Variants in CFAP45 observed in about 807,000 individuals in gnomAD.
The protein encoded by CFAP45 is cilia- and flagella-associated protein 45.
A neutral mutation model predicts 75.6 loss-of-function variants in CFAP45; 43 were observed. The observed-to-expected ratio is 0.57, with a 90% confidence interval of 0.45 to 0.73. The LOEUF is 0.73. Ranked by LOEUF, CFAP45 falls within the 30% of genes least tolerant of loss-of-function variation. The pLI is 0.00. For synonymous variants in CFAP45, 223 were observed against 244.6 expected (o/e 0.91, Z 0.82); for missense variants, 689 against 701.5 (o/e 0.98, Z 0.20).
intron 7 of CFAP45, among the ~76,000 whole-genome samples, chr1:159,883,499 G>A (rs1367274409): frequency 6.6e-6 from 1 of 152,120 alleles, no homozygotes; most frequent in Non-Finnish European, 1.5e-5. Context: ...TTTTGATGGA[G>A]GAGGTGATAA....
intron 11 of CFAP45, 110 bp downstream of exon 11, chr1:159,872,834 A>G: frequency 9.3e-7 from 1 of 1,076,098 alleles, no homozygotes; most frequent in Non-Finnish European, 1.4e-6. Flanking sequence ...CCTCTCCCTG[A>G]GCATCTCTGC....
Position 159,884,484 on chromosome 1 carries a change from C to T in CFAP45, c.849G>A (p.Lys283=), listed in dbSNP as rs200874439. ...GTTCCATATATTCCAGCATCTGCTC[C>T]TTCTCCTGCTCCCGCTGCTCAGCAA... is the stretch of plus-strand genomic sequence containing the variant. ...SLLAEQREQE[K]EQMLEYMEQL... Residue 283 remains lysine, a synonymous_variant, in exon 7 of 12, where the codon AAG becomes AAA. Coordinates refer to ENST00000368099, the MANE Select transcript of CFAP45 (RefSeq NM_012337.3). 6.2e-7 allele frequency: 1 copy of T among 1,613,966 alleles called. No homozygotes were observed. Among genetic ancestry groups the T allele is most frequent in the East Asian group, 2.2e-5 (1 of 44,884 alleles).
chr1:159,887,637 G>A (rs72700671), intron 5 of CFAP45, among the ~76,000 whole-genome samples: 2,170 of 152,350 alleles, frequency 0.014, 26 homozygotes, highest in Middle Eastern at 0.02. Context: ...GAGGGCAAGT[G>A]ACTTGCCCAT....
chr1:159,893,135 C>T, intron 2 of CFAP45, 45 bp downstream of exon 2: 1 of 1,609,138 alleles, frequency 6.2e-7, no homozygotes, highest in Non-Finnish European at 8.5e-7. Context: ...TTTTGGGCCT[C>T]TGCCTGCAGG....
rs373151220 is a variant in CFAP45 at position 159,877,400 on chromosome 1, G to A, written c.1107C>T (p.Ile369=). The A allele has an allele frequency of 2.5e-5, 41 of 1,613,926 alleles. No individual in the cohort carries two copies. The highest frequency in any genetic ancestry group is 2.3e-4 in the African/African-American group (17 of 74,892). Residue 369 remains isoleucine, a synonymous_variant, in exon 9 of 12, where the codon ATC becomes ATT. Transcript: ENST00000368099. ...TCTCCTGCATGGCCCTCAAGCGTGC[G>A]ATCTCCTTCTCTTTCTCCCTCCGGA... ...ERIRREKEKE[I]ARLRAMQEKA...
intron 8 of CFAP45, among the ~76,000 whole-genome samples, chr1:159,879,982 T>C (rs903125759): frequency 2.6e-5 from 4 of 152,228 alleles, no homozygotes; most frequent in African/African-American, 9.7e-5. Context: ...ATCCCAATCA[T>C]TTTATTACTC....
At chr1:159,889,664 G>A (rs1281878719) in intron 3 of CFAP45, among the ~76,000 whole-genome samples, 1 of 152,224 alleles carries the variant, frequency 6.6e-6, no homozygotes, top group Non-Finnish European at 1.5e-5. Context: ...GGCTCCAGGA[G>A]TGGCTGCAGG....
chr1:159,878,753 TAAAAAAAAA>T (rs539116292), intron 8 of CFAP45, among the ~76,000 whole-genome samples: 3,260 of 32,472 alleles, frequency 0.1, 242 homozygotes, highest in Middle Eastern at 0.21. Flanking sequence ...AGACTACATC[TAAAAAAAAA>T]AAAAAAAAAA....
chr1:159,890,587 C>G lies in CFAP45; in HGVS notation c.165G>C (p.Val55=). 2 of 1,613,988 alleles carry G rather than the reference C, an allele frequency of 1.2e-6. No individual in the cohort carries two copies. Among genetic ancestry groups the G allele is most frequent in the Non-Finnish European group, 1.7e-6 (2 of 1,179,990 alleles). ...PAQGQSDSPI[V]LLRDKHTLQK... ...GAAGGGTATGCTTATCTCGGAGCAG[C>G]ACAATGGGGCTGTCGCTCTGGCCCT... Residue 55 remains valine (V), a synonymous_variant, in exon 3 of 12, where the codon GTG becomes GTC. Transcript: ENST00000368099.
At chr1:159,872,610 CAGG>C in intron 11 of CFAP45, 47 bp from the exon 12 acceptor site, 1 of 1,539,116 alleles carries the variant, frequency 6.5e-7, no homozygotes, top group Non-Finnish European at 9.0e-7. Context: ...TTGGACCAGA[CAGG>C]AGGTGGGAGG....
intron 1 of CFAP45, 106 bp downstream of exon 1, chr1:159,899,990 C>T (rs779101228): frequency 1.1e-5 from 14 of 1,304,736 alleles, no homozygotes; most frequent in Middle Eastern, 3.7e-4. Flanking sequence ...CCTGGGCCCT[C>T]CTGACCCCTA....
At chr1:159,887,489 A>G (rs1649716587) in intron 5 of CFAP45, among the ~76,000 whole-genome samples, 1 of 152,224 alleles carries the variant, frequency 6.6e-6, no homozygotes, top group Non-Finnish European at 1.5e-5. Flanking sequence ...ATGAAAATAA[A>G]AGTAACACTG....
chr1:159,888,538 G>A (rs767572216), intron 3 of CFAP45, 42 bp from the exon 4 acceptor site: 88 of 1,591,360 alleles, frequency 5.5e-5, no homozygotes, highest in Non-Finnish European at 2.6e-6. Flanking sequence ...GAGAGGGAAA[G>A]CTCTCAGCAC....
intron 11 of CFAP45, 61 bp downstream of exon 11, chr1:159,872,883 T>C (rs1649312088): frequency 6.6e-7 from 1 of 1,505,678 alleles, no homozygotes; most frequent in African/African-American, 1.4e-5. Flanking sequence ...CTTTCCAGCC[T>C]GTGGTGCCAT....
chr1:159,888,030 G>T lies in CFAP45; in HGVS notation c.418-19C>A. ...CTGCATCCTAAGGGAGACCAGTCTGGCTCAGTGGGAGATTATTTCATGCGC... is the reference window on the plus strand; with the variant it reads ...CTGCATCCTAAGGGAGACCAGTCTGTCTCAGTGGGAGATTATTTCATGCGC... On this transcript the variant is annotated intron_variant, in intron 4 of 11. Coordinates refer to ENST00000368099, the MANE Select transcript of CFAP45 (RefSeq NM_012337.3). 2 of 1,610,464 alleles carry T rather than the reference G, an allele frequency of 1.2e-6. No homozygotes were observed. The highest frequency in any genetic ancestry group is 1.7e-6 in the Non-Finnish European group (2 of 1,177,272).
chr1:159,884,284 A>G, intron 7 of CFAP45, 152 bp downstream of exon 7: 1 of 779,632 alleles, frequency 1.3e-6, no homozygotes, highest in Admixed American at 2.6e-5. Flanking sequence ...TGAAATAAAT[A>G]TTTAACATGG....
At chr1:159,883,791 GA>G (rs1179016966) in intron 7 of CFAP45, among the ~76,000 whole-genome samples, 1 of 151,792 alleles carries the variant, frequency 6.6e-6, no homozygotes, top group Admixed American at 6.6e-5. Context: ...AAAAATTGAG[GA>G]AAAAAATAAA....
At chr1:159,883,817 G>T (rs751519022) in intron 7 of CFAP45, among the ~76,000 whole-genome samples, 66 of 152,036 alleles carry the variant, frequency 4.3e-4, no homozygotes, top group Non-Finnish European at 1.2e-4. Flanking sequence ...CCAAGTGCCT[G>T]CCATGTCCCT....
chr1:159,887,790 C>T (rs759819464), intron 5 of CFAP45, 51 bp downstream of exon 5: 12 of 1,481,656 alleles, frequency 8.1e-6, no homozygotes, highest in South Asian at 2.4e-5. Context: ...AAGGGGAGGG[C>T]GGAGGGATGG....
Sources: allele counts gnomAD v4.1 joint callset (sites outside exome capture counted in the v4.1 genomes callset), GRCh38; gene constraint gnomAD v4.1.1; transcripts MANE v1.5; gene names NCBI Gene and HGNC (gene_info 2026-07-23, HGNC 2026-07-21).